PDZRN4: variants seen among roughly 807,000 people sequenced by gnomAD.
PDZRN4 encodes the protein PDZ domain containing ring finger 4.
In PDZRN4, 70 loss-of-function variants were observed where a neutral mutation model predicts 99.0. That is an observed-to-expected ratio of 0.71 (90% CI 0.58 to 0.86). The LOEUF (loss-of-function observed/expected upper bound fraction) is 0.86, where lower values mean the gene tolerates loss of function less well. PDZRN4 is among the 40% of genes least tolerant of loss of function. The probability of loss-of-function intolerance (pLI) is 0.00; values close to 1 mark genes in which losing one functional copy is unlikely to be tolerated. For synonymous variants in PDZRN4, 551 were observed against 501.6 expected (o/e 1.10, Z -1.32); for missense variants, 1,474 against 1,331.2 (o/e 1.11, Z -1.67).
intron 3 of PDZRN4, among the ~76,000 whole-genome samples, chr12:41,230,811 C>A (rs1018608990): frequency 2.6e-5 from 4 of 152,030 alleles, no homozygotes; most frequent in African/African-American, 9.7e-5. Context: ...AACTCTTATA[C>A]TTGCTTTTAT....
At chr12:41,373,148 G>A (rs1952055471) in intron 3 of PDZRN4, among the ~76,000 whole-genome samples, 1 of 152,110 alleles carries the variant, frequency 6.6e-6, no homozygotes, top group South Asian at 2.1e-4. Flanking sequence ...TGCTTCACAA[G>A]GTAATAGAAT....
At chr12:41,347,591 T>A (rs2121030188) in intron 3 of PDZRN4, among the ~76,000 whole-genome samples, 1 of 152,262 alleles carries the variant, frequency 6.6e-6, no homozygotes, top group South Asian at 2.1e-4. Context: ...TCTTATTCTA[T>A]GGGTTGCATT....
intron 5 of PDZRN4, among the ~76,000 whole-genome samples, chr12:41,531,898 A>T (rs1051985882): frequency 6.6e-6 from 1 of 152,176 alleles, no homozygotes; most frequent in Non-Finnish European, 1.5e-5. Context: ...TTTGCTTAGT[A>T]TTTGCCATAG....
intron 5 of PDZRN4, among the ~76,000 whole-genome samples, chr12:41,524,709 A>C (rs1938543747): frequency 6.6e-6 from 1 of 152,216 alleles, no homozygotes; most frequent in South Asian, 2.1e-4. Context: ...GGATTTAAGA[A>C]GGAAACAGCA....
chr12:41,547,161 G>A (rs1055023811), intron 5 of PDZRN4, among the ~76,000 whole-genome samples: 1 of 148,302 alleles, frequency 6.7e-6, no homozygotes, highest in African/African-American at 2.5e-5. Context: ...GCAAAATAGA[G>A]AAGGGGGAAA....
intron 2 of PDZRN4, among the ~76,000 whole-genome samples, chr12:41,191,939 C>T (rs1223658090): frequency 2.0e-5 from 3 of 151,802 alleles, no homozygotes; most frequent in African/African-American, 4.8e-5. Context: ...CCTGCCACCA[C>T]ACCCGGCTAA....
chr12:41,339,231 T>C (rs975343162), intron 3 of PDZRN4, among the ~76,000 whole-genome samples: 1 of 151,382 alleles, frequency 6.6e-6, no homozygotes, highest in South Asian at 2.1e-4. Context: ...AACAAACACA[T>C]AGACGAATGG....
chr12:41,252,774 C>A (rs1166931585), intron 3 of PDZRN4, among the ~76,000 whole-genome samples: 1 of 152,048 alleles, frequency 6.6e-6, no homozygotes, highest in African/African-American at 2.4e-5. Context: ...TAACAGAAAG[C>A]AGATCAGTGA....
chr12:41,565,247 G>T lies in PDZRN4; in HGVS notation c.1467+1598G>T, dbSNP rs900525172. 2.0e-5 allele frequency among the ~76,000 whole-genome samples: 3 copies of T among 151,988 alleles called. No homozygotes were observed. In the East Asian group the frequency reaches 5.8e-4, roughly 29 times the overall value. On this transcript the variant is annotated intron_variant, in intron 8 of 9. Transcript: ENST00000402685. ...GAAAGATGGTTGTCTGACTCCATAG[G>T]ATGCTGTCCTGCCTGTCAAAATTAT...
At chr12:41,319,886 A>G (rs1951663561) in intron 3 of PDZRN4, among the ~76,000 whole-genome samples, 1 of 152,160 alleles carries the variant, frequency 6.6e-6, no homozygotes, top group African/African-American at 2.4e-5. Context: ...TTTTAAACCT[A>G]TGGTAGCCCT....
chr12:41,306,401 G>T (rs1229659962), intron 3 of PDZRN4, among the ~76,000 whole-genome samples: 2 of 152,156 alleles, frequency 1.3e-5, no homozygotes, highest in East Asian at 1.9e-4. Context: ...GTACAAATTT[G>T]TAGCTGAATA....
intron 3 of PDZRN4, among the ~76,000 whole-genome samples, chr12:41,485,593 C>G (rs1490675719): frequency 1.3e-5 from 2 of 151,814 alleles, no homozygotes; most frequent in African/African-American, 4.8e-5. Context: ...TGTTTTATTT[C>G]TATATGAGGT....
At chr12:41,510,366 G>A (rs952023273) in intron 5 of PDZRN4, among the ~76,000 whole-genome samples, 25 of 152,060 alleles carry the variant, frequency 1.6e-4, no homozygotes, top group African/African-American at 5.6e-4. Flanking sequence ...ACTCTAAAGA[G>A]CCATTTCACA....
chr12:41,334,356 A>G (rs945162926), intron 3 of PDZRN4, among the ~76,000 whole-genome samples: 2 of 150,326 alleles, frequency 1.3e-5, no homozygotes, highest in African/African-American at 4.9e-5. Flanking sequence ...ATGAAGCTTT[A>G]GAAGTATTCA....
Position 41,210,018 on chromosome 12 carries a change from G to C in PDZRN4, c.843+15830G>C, listed in dbSNP as rs1247881071. On this transcript the variant is annotated intron_variant, in intron 3 of 9. Transcript: ENST00000402685. ...TCCTCTCCAGCACCTGTTGTTTCCTGACTCTTTAATGATCACCATTCTAAC... is the reference window on the plus strand; with the variant it reads ...TCCTCTCCAGCACCTGTTGTTTCCTCACTCTTTAATGATCACCATTCTAAC... Among the ~76,000 whole-genome samples the C allele has an allele frequency of 2.0e-5, 3 of 151,996 alleles. No individual in the cohort carries two copies. In the East Asian group the frequency reaches 5.8e-4, roughly 30 times the overall value.
At chr12:41,194,257 T>G (rs1950757258) in intron 3 of PDZRN4, 69 bp downstream of exon 3, 3 of 761,130 alleles carry the variant, frequency 3.9e-6, no homozygotes, top group Non-Finnish European at 6.9e-6. Context: ...TTTTCAAATT[T>G]ACCACTTTAC....
intron 3 of PDZRN4, among the ~76,000 whole-genome samples, chr12:41,374,007 A>G (rs1952062213): frequency 6.6e-6 from 1 of 152,156 alleles, no homozygotes; most frequent in Non-Finnish European, 1.5e-5. Flanking sequence ...ATGAAATAGA[A>G]ATTCACATGA....
chr12:41,456,345 G>GCT (rs1555144004), intron 3 of PDZRN4, among the ~76,000 whole-genome samples: 1 of 151,432 alleles, frequency 6.6e-6, no homozygotes, highest in South Asian at 2.1e-4. Context: ...AGAATGAATG[G>GCT]TTGTTTATTC....
chr12:41,352,109 C>T (rs531968795), intron 3 of PDZRN4, among the ~76,000 whole-genome samples: 1 of 151,980 alleles, frequency 6.6e-6, no homozygotes, highest in Admixed American at 6.6e-5. Context: ...TTGGATTACA[C>T]CGTGTGGTCA....
Sources: gnomAD v4.1 joint callset for allele counts (sites outside exome capture counted in the v4.1 genomes callset) on GRCh38, gnomAD v4.1.1 for gene constraint, MANE v1.5 for transcripts, NCBI Gene and HGNC (gene_info 2026-07-23, HGNC 2026-07-21) for gene names.